Variants in MTMR12 observed in about 807,000 individuals in gnomAD.
MTMR12 encodes the protein myotubularin-related protein 12.
MTMR12 carries 33 observed loss-of-function variants against 96.7 expected under a neutral mutation model. The observed-to-expected ratio is 0.34, with a 90% CI of 0.26 to 0.46. The LOEUF (loss-of-function observed/expected upper bound fraction) is 0.46. MTMR12 is among the 20% of genes least tolerant of loss of function. MTMR12 has a pLI of 1.00. For missense variants in MTMR12, 721 were observed against 896.1 expected, an observed-to-expected ratio of 0.80 and a Z score of 2.49; for synonymous variants, 298 against 327.2, an observed-to-expected ratio of 0.91 and a Z score of 0.96.
intron 6 of MTMR12, 27 bp from the exon 7 acceptor site, chr5:32,263,269 T>C (rs758875607): frequency 1.9e-6 from 3 of 1,612,096 alleles, no homozygotes; most frequent in African/African-American, 2.7e-5. Context: ...TAAAAGACAA[T>C]AAAATCTTTC....
intron 1 of MTMR12, among the ~76,000 whole-genome samples, chr5:32,302,690 C>T (rs1208981882): frequency 1.3e-5 from 2 of 150,440 alleles, no homozygotes; most frequent in African/African-American, 4.9e-5. Flanking sequence ...GCACTCTGCA[C>T]TCCAGCCCAG....
chr5:32,302,649 G>A (rs1316687127), intron 1 of MTMR12, among the ~76,000 whole-genome samples: 11 of 151,680 alleles, frequency 7.3e-5, no homozygotes, highest in East Asian at 1.9e-4. Flanking sequence ...CCCGGCAGGC[G>A]GAGGTTGCAG....
chr5:32,281,262 A>C (rs1390759946), intron 1 of MTMR12, among the ~76,000 whole-genome samples: 1 of 150,254 alleles, frequency 6.7e-6, no homozygotes, highest in Non-Finnish European at 1.5e-5. Context: ...AAAAAAAAAA[A>C]AACAAAAAAA....
At chr5:32,300,045 C>T (rs968631726) in intron 1 of MTMR12, among the ~76,000 whole-genome samples, 1 of 152,158 alleles carries the variant, frequency 6.6e-6, no homozygotes, top group South Asian at 2.1e-4. Flanking sequence ...TAGGCAGCTC[C>T]GACCTCTGTG....
intron 1 of MTMR12, among the ~76,000 whole-genome samples, chr5:32,281,336 T>C (rs1050601137): frequency 2.0e-5 from 3 of 151,028 alleles, no homozygotes; most frequent in Non-Finnish European, 4.4e-5. Context: ...TTAAACTAAA[T>C]TGACTCTACT....
At position 32,227,733 on chromosome 5, in the gene MTMR12, G is replaced by A. The variant is rs1456999735; in HGVS notation, c.*2045C>T. On this transcript the variant is annotated 3_prime_UTR_variant, in exon 16 of 16. Transcript: ENST00000382142. ...ATTTAAGAAGGCCTATAGAATGTATGTGAAGGTAGCTAAGGAACTAGTTAG... is the reference window on the plus strand; with the variant it reads ...ATTTAAGAAGGCCTATAGAATGTATATGAAGGTAGCTAAGGAACTAGTTAG... 2.0e-5 allele frequency: 3 copies of A among 152,674 alleles called. No individual in the cohort carries two copies. The highest frequency in any genetic ancestry group is 7.2e-5 in the African/African-American group (3 of 41,468). The allele number at this position is 152,674 out of a possible 1,614,324, so 9.5% of individuals were successfully genotyped here.
At chr5:32,265,752 C>T (rs1373040739) in intron 6 of MTMR12, among the ~76,000 whole-genome samples, 1 of 152,194 alleles carries the variant, frequency 6.6e-6, no homozygotes, top group Non-Finnish European at 1.5e-5. Context: ...CAATAATATG[C>T]AGTTTTACTC....
intron 1 of MTMR12, among the ~76,000 whole-genome samples, chr5:32,295,586 C>T (rs1471636999): frequency 2.0e-5 from 3 of 152,184 alleles, no homozygotes; most frequent in East Asian, 1.9e-4. Context: ...TTTCAGACTA[C>T]GAATCTATTA....
rs1374049586 is a variant in MTMR12, at chr5:32,276,709, T to C, written c.115A>G (p.Lys39Glu). ...GGCAACAAGTGAAGAGTTACTTCCTTCTCTGTTACTTCCTTTTCGTTTGTG... is the reference window on the plus strand; with the variant it reads ...GGCAACAAGTGAAGAGTTACTTCCTCCTCTGTTACTTCCTTTTCGTTTGTG... Reference protein sequence around the residue: ...IHTNEKEVTEKEVTLHLLPGE... With the variant: ...IHTNEKEVTEEEVTLHLLPGE... The change falls in exon 2 of 16, where the codon AAG becomes GAG. Residue 39 changes from lysine (K) to glutamate (E), a missense_variant. Coordinates refer to ENST00000382142, the MANE Select transcript of MTMR12 (RefSeq NM_001040446.3). The C allele has an allele frequency of 3.1e-6, 5 of 1,613,982 alleles. 1 individual carries two copies. The South Asian group carries it at 5.5e-5, about 18-fold the overall frequency.
At chr5:32,282,154 G>A (rs990538513) in intron 1 of MTMR12, among the ~76,000 whole-genome samples, 32 of 152,174 alleles carry the variant, frequency 2.1e-4, no homozygotes, top group African/African-American at 6.7e-4. Flanking sequence ...AGGGCGAGGC[G>A]GACGGATCAC....
intron 6 of MTMR12, among the ~76,000 whole-genome samples, chr5:32,267,692 C>G (rs1454755665): frequency 6.6e-6 from 1 of 152,130 alleles, no homozygotes; most frequent in East Asian, 1.9e-4. Flanking sequence ...TTCTAGAATG[C>G]AAGAAATTCT....
chr5:32,310,282 G>A lies in MTMR12; in HGVS notation c.81+2476C>T, dbSNP rs376378733. Among the ~76,000 whole-genome samples the A allele has an allele frequency of 4.6e-5, 7 of 152,130 alleles. No individual in the cohort carries two copies. In the East Asian group the frequency reaches 7.7e-4, roughly 17 times the overall value. ...CACGCCACTGTACTTCAACCTAAGC[G>A]ACAAAGCAAGATCCTGTCTCTAAAA... On this transcript the variant is annotated intron_variant, in intron 1 of 15. Coordinates refer to ENST00000382142, the MANE Select transcript of MTMR12 (RefSeq NM_001040446.3).
At chr5:32,234,795 T>A (rs1431215095) in intron 14 of MTMR12, 167 bp downstream of exon 14, 5 of 568,922 alleles carry the variant, frequency 8.8e-6, no homozygotes, top group Non-Finnish European at 9.1e-6. Context: ...TGAGTTTGCA[T>A]GTCATCCTCT....
chr5:32,297,501 T>C (rs546145106), intron 1 of MTMR12, among the ~76,000 whole-genome samples: 5 of 152,056 alleles, frequency 3.3e-5, no homozygotes, highest in African/African-American at 1.2e-4. Flanking sequence ...CACTTGGCCA[T>C]TCTAAATCCT....
chr5:32,300,859 G>A (rs890241793), intron 1 of MTMR12, among the ~76,000 whole-genome samples: 17 of 152,196 alleles, frequency 1.1e-4, no homozygotes, highest in African/African-American at 4.1e-4. Context: ...TAAATCACCT[G>A]AGGTCAGAAG....
rs1561754025 is a variant in MTMR12 at position 32,248,075 on chromosome 5, GTCT to G, written c.945_947del (p.Glu315del). The G allele has an allele frequency of 1.2e-6, 2 of 1,613,832 alleles. No homozygotes were observed. The highest frequency in any genetic ancestry group is 1.7e-6 in the Non-Finnish European group (2 of 1,179,870). ...GCAGGGACAGGAAGTTGCTTGACAG[GTCT>G]TCCGTTTTAACAATTTCATAGGGTG... On this transcript the variant is annotated inframe_deletion, in exon 10 of 16. Transcript: ENST00000382142.
chr5:32,253,223 T>A (rs1749011594), intron 8 of MTMR12, among the ~76,000 whole-genome samples: 1 of 152,214 alleles, frequency 6.6e-6, no homozygotes. Flanking sequence ...CAAAGAATTA[T>A]CTGGCCTAAA....
chr5:32,307,705 C>G (rs2112170802), intron 1 of MTMR12, among the ~76,000 whole-genome samples: 1 of 152,300 alleles, frequency 6.6e-6, no homozygotes, highest in South Asian at 2.1e-4. Flanking sequence ...TACTCGTCCT[C>G]ATTTTACGCT....
intron 10 of MTMR12, among the ~76,000 whole-genome samples, chr5:32,244,804 G>A (rs897579033): frequency 9.9e-5 from 15 of 152,070 alleles, no homozygotes; most frequent in Non-Finnish European, 1.6e-4. Context: ...TATCACCAAC[G>A]ACTAGCATAG....
Sources: allele counts gnomAD v4.1 joint callset (sites outside exome capture counted in the v4.1 genomes callset), GRCh38; gene constraint gnomAD v4.1.1; transcripts MANE v1.5; gene names NCBI Gene and HGNC (gene_info 2026-07-23, HGNC 2026-07-21).